DDC: variants seen among roughly 807,000 people sequenced by gnomAD.
DDC encodes the protein aromatic-L-amino-acid decarboxylase.
A neutral mutation model predicts 60.0 loss-of-function variants in DDC; 43 were observed. The observed-to-expected ratio is 0.72, with a 90% CI of 0.56 to 0.92. The LOEUF (loss-of-function observed/expected upper bound fraction) is 0.92. Among genes scored for constraint, DDC ranks in the 40% least tolerant of loss-of-function variants. The probability of loss-of-function intolerance (pLI) is 0.00; values close to 1 mark genes in which losing one functional copy is unlikely to be tolerated. For missense variants in DDC, 573 were observed against 620.2 expected (o/e 0.92, Z 0.81); for synonymous variants, 232 against 234.6 (o/e 0.99, Z 0.10).
chr7:50,464,429 G>A (rs549675614), intron 13 of DDC, among the ~76,000 whole-genome samples: 13 of 152,256 alleles, frequency 8.5e-5, no homozygotes, highest in African/African-American at 2.9e-4. Context: ...TGGAAACCGT[G>A]GGTGAACACC....
chr7:50,479,757 C>G (rs759803257), intron 10 of DDC, 30 bp downstream of exon 10: 1 of 1,600,264 alleles, frequency 6.2e-7, no homozygotes, highest in East Asian at 2.2e-5. Context: ...AGACCAGAAA[C>G]AGTCCACAGA....
chr7:50,529,127 T>C, intron 5 of DDC, 81 bp downstream of exon 5: 8 of 1,568,100 alleles, frequency 5.1e-6, no homozygotes, highest in South Asian at 3.3e-5. Context: ...GGAAGGATGC[T>C]GTTTGGTTTG....
At chr7:50,511,090 A>C (rs530514050) in intron 6 of DDC, among the ~76,000 whole-genome samples, 1,795 of 142,220 alleles carry the variant, frequency 0.013, 37 homozygotes, top group African/African-American at 0.044. Context: ...CACACAAAAT[A>C]ATATATAATT....
chr7:50,468,931 A>ATTTTTTTT (rs36005269), intron 12 of DDC, among the ~76,000 whole-genome samples: 1 of 86,166 alleles, frequency 1.2e-5, no homozygotes, highest in South Asian at 4.1e-4. Flanking sequence ...CAGTTTCCTC[A>ATTTTTTTT]TTTTTTTTTT....
At chr7:50,485,809 C>T (rs2042868303) in intron 9 of DDC, among the ~76,000 whole-genome samples, 1 of 152,184 alleles carries the variant, frequency 6.6e-6, no homozygotes, top group East Asian at 1.9e-4. Context: ...CCCTCACTCT[C>T]CCCACTCCCT....
intron 1 of DDC, among the ~76,000 whole-genome samples, chr7:50,551,716 G>T (rs572217565): frequency 2.0e-5 from 3 of 152,146 alleles, no homozygotes; most frequent in African/African-American, 2.4e-5. Flanking sequence ...TAAATGTTTT[G>T]CAGGCATTTT....
At chr7:50,524,405 G>T (rs144914854) in intron 6 of DDC, among the ~76,000 whole-genome samples, 59 of 152,196 alleles carry the variant, frequency 3.9e-4, no homozygotes, top group African/African-American at 1.4e-3. Flanking sequence ...ATATAAGAAG[G>T]TATATGTTCT....
intron 13 of DDC, among the ~76,000 whole-genome samples, chr7:50,466,334 A>C (rs1023373552): frequency 1.3e-5 from 2 of 151,846 alleles, no homozygotes; most frequent in African/African-American, 4.8e-5. Context: ...AAAATACAAA[A>C]ATTAGCTGGG....
intron 1 of DDC, among the ~76,000 whole-genome samples, chr7:50,558,283 T>C (rs1261231915): frequency 2.0e-5 from 3 of 152,212 alleles, no homozygotes; most frequent in Non-Finnish European, 2.9e-5. Context: ...TACCGTCTAT[T>C]ACAAACACAG....
At chr7:50,522,122 T>C (rs2043909032) in intron 6 of DDC, among the ~76,000 whole-genome samples, 1 of 151,988 alleles carries the variant, frequency 6.6e-6, no homozygotes, top group Non-Finnish European at 1.5e-5. Context: ...AAGTTAATTG[T>C]TTTCTTATCA....
chr7:50,540,118 T>G (rs1407383510), intron 2 of DDC, 90 bp from the exon 3 acceptor site: 7 of 976,756 alleles, frequency 7.2e-6, no homozygotes, highest in Non-Finnish European at 1.1e-5. Flanking sequence ...GGCTCCCAGC[T>G]GCCAGATGCA....
At chr7:50,463,089 G>A (rs1585129416) in intron 14 of DDC, 124 bp downstream of exon 14, 5 of 786,972 alleles carry the variant, frequency 6.4e-6, no homozygotes, top group Admixed American at 6.2e-5. Context: ...ATTTTAAGGT[G>A]AGGGAAATGC....
chr7:50,507,325 C>G (rs1397344111), intron 6 of DDC, among the ~76,000 whole-genome samples: 1 of 152,108 alleles, frequency 6.6e-6, no homozygotes, highest in Admixed American at 6.5e-5. Context: ...GCAACCTCCA[C>G]CTCCTGGGTT....
chr7:50,503,811 C>T (rs1456262976), intron 7 of DDC, among the ~76,000 whole-genome samples, 182 bp downstream of exon 7: 1 of 152,022 alleles, frequency 6.6e-6, no homozygotes, highest in Non-Finnish European at 1.5e-5. Context: ...TTCCAATTAG[C>T]CCAAATTCTG....
At chr7:50,505,021 A>G (rs2043353797) in intron 6 of DDC, among the ~76,000 whole-genome samples, 2 of 152,256 alleles carry the variant, frequency 1.3e-5, no homozygotes, top group African/African-American at 2.4e-5. Flanking sequence ...ATGTTCTGAG[A>G]AAGCATTGAG....
At chr7:50,562,317 T>A (rs4947662) in intron 1 of DDC, among the ~76,000 whole-genome samples, 1 of 152,226 alleles carries the variant, frequency 6.6e-6, no homozygotes, top group Non-Finnish European at 1.5e-5. Context: ...GCAGCAGCCA[T>A]GTGGACAATG....
At chr7:50,479,660 A>G (rs1466886683) in intron 10 of DDC, 127 bp downstream of exon 10, 1 of 875,384 alleles carries the variant, frequency 1.1e-6, no homozygotes, top group African/African-American at 1.7e-5. Flanking sequence ...AATGCACAGC[A>G]CCCCGTCTTC....
chr7:50,540,074 G>T, intron 2 of DDC, 46 bp from the exon 3 acceptor site: 1 of 1,488,304 alleles, frequency 6.7e-7, no homozygotes, highest in Non-Finnish European at 9.3e-7. Context: ...GGAAAGCCAG[G>T]CCTCAAGAGA....
Position 50,493,963 on chromosome 7 carries a change from G to A in DDC, c.944+1387C>T, listed in dbSNP as rs114417725. On this transcript the variant is annotated intron_variant, in intron 9 of 14. Coordinates refer to ENST00000444124, the MANE Select transcript of DDC (RefSeq NM_001082971.2). ...ATTACATACTGAACAATTTTGCAAA[G>A]CCTTCTGAATATTTGGAAAATTTTG... is the stretch of plus-strand genomic sequence containing the variant. Among the ~76,000 whole-genome samples, 833 of 152,248 alleles carry A rather than the reference G, an allele frequency of 5.5e-3. 8 individuals carry two copies. Among genetic ancestry groups the A allele is most frequent in the African/African-American group, 0.019 (803 of 41,546 alleles).
Sources: gnomAD v4.1 joint callset for allele counts (sites outside exome capture counted in the v4.1 genomes callset) on GRCh38, gnomAD v4.1.1 for gene constraint, MANE v1.5 for transcripts, NCBI Gene and HGNC (gene_info 2026-07-23, HGNC 2026-07-21) for gene names.